Variants in CD160 observed in about 807,000 individuals in gnomAD.
The protein encoded by CD160 is CD160 molecule.
In CD160, 11 loss-of-function variants were observed where a neutral mutation model predicts 19.2. The ratio of observed to expected loss-of-function variants is 0.57; its 90% confidence interval spans 0.36 to 0.95. The LOEUF is 0.95. CD160 is among the 40% of genes least tolerant of loss of function. CD160 has a pLI of 0.01. For synonymous variants in CD160, 75 were observed against 81.1 expected (o/e 0.93, Z 0.40); for missense variants, 182 against 213.2 (o/e 0.85, Z 0.91).
intron 4 of CD160, among the ~76,000 whole-genome samples, chr1:145,731,873 A>C (rs1483397399): frequency 1.3e-5 from 2 of 152,168 alleles, no homozygotes; most frequent in African/African-American, 2.4e-5. Flanking sequence ...AAAGGAGGAA[A>C]AAATAAAAAA....
intron 3 of CD160, among the ~76,000 whole-genome samples, chr1:145,730,525 C>T (rs1553708982): frequency 1.3e-5 from 2 of 152,156 alleles, no homozygotes; most frequent in Non-Finnish European, 2.9e-5. Context: ...CCTTAATTTT[C>T]ATTTTCCAGA....
chr1:145,727,184 A>T (rs980170438), intron 2 of CD160, among the ~76,000 whole-genome samples: 9 of 152,158 alleles, frequency 5.9e-5, no homozygotes, highest in Non-Finnish European at 1.0e-4. Context: ...AGGATTTTTT[A>T]AAATAAAAAT....
At chr1:145,726,591 G>T (rs1455350612) in intron 2 of CD160, among the ~76,000 whole-genome samples, 1 of 152,162 alleles carries the variant, frequency 6.6e-6, no homozygotes, top group Non-Finnish European at 1.5e-5. Context: ...ACGGGTGGGG[G>T]CCCGGGGGAG....
At chr1:145,721,324 G>A (rs1224516595) in intron 1 of CD160, among the ~76,000 whole-genome samples, 1 of 152,172 alleles carries the variant, frequency 6.6e-6, no homozygotes, top group Non-Finnish European at 1.5e-5. Context: ...CTGAAAGGCA[G>A]CGCCCTCTAG....
chr1:145,727,667 A>G (rs1164121461), intron 2 of CD160, among the ~76,000 whole-genome samples: 3 of 152,246 alleles, frequency 2.0e-5, no homozygotes, highest in African/African-American at 7.2e-5. Flanking sequence ...AAAATGGCAG[A>G]TGGGTTAATA....
At chr1:145,735,281 T>C (rs1168075561) in intron 4 of CD160, among the ~76,000 whole-genome samples, 1 of 152,038 alleles carries the variant, frequency 6.6e-6, no homozygotes, top group Admixed American at 6.6e-5. Context: ...CAACAGTAAA[T>C]GATGGATAAA....
chr1:145,726,592 C>A (rs1657059543), intron 2 of CD160, among the ~76,000 whole-genome samples: 1 of 152,028 alleles, frequency 6.6e-6, no homozygotes, highest in Non-Finnish European at 1.5e-5. Flanking sequence ...CGGGTGGGGG[C>A]CCGGGGGAGG....
At position 145,736,154 on chromosome 1, in the gene CD160, A is replaced by G. The variant is rs1553710117; in HGVS notation, c.538+20A>G. On this transcript the variant is annotated intron_variant, in intron 5 of 5. Coordinates refer to ENST00000369288, the MANE Select transcript of CD160 (RefSeq NM_007053.4). ...TTCAAGGTATGTCCAAAAGAGCCGT[A>G]AGCACCCCAAGCAATGAGGGTGCTA... 1.2e-6 allele frequency: 2 copies of G among 1,613,908 alleles called. No individual in the cohort carries two copies. The highest frequency in any genetic ancestry group is 1.7e-6 in the Non-Finnish European group (2 of 1,180,000).
intron 4 of CD160, among the ~76,000 whole-genome samples, chr1:145,732,440 A>G (rs1553709530): frequency 2.0e-5 from 3 of 152,114 alleles, no homozygotes. Context: ...TTTGGAGGCC[A>G]AGGTGGGAGG....
chr1:145,724,587 G>T (rs1444610000), intron 1 of CD160, among the ~76,000 whole-genome samples: 1 of 151,926 alleles, frequency 6.6e-6, no homozygotes, highest in Non-Finnish European at 1.5e-5. Flanking sequence ...GATTTTAGTG[G>T]GAATTAATGT....
chr1:145,735,989 T>C lies in CD160; in HGVS notation c.401-8T>C. 1 of 1,599,874 alleles carries C rather than the reference T, an allele frequency of 6.3e-7. No homozygotes were observed. The highest frequency in any genetic ancestry group is 1.3e-5 in the African/African-American group (1 of 74,546). Reference sequence around the variant, plus strand: ...CCTCCCCTGATCCATGATTCTCTTTTGAACCAGAGACAGGGAACTACACAG... The same window carrying C: ...CCTCCCCTGATCCATGATTCTCTTTCGAACCAGAGACAGGGAACTACACAG... On this transcript the variant is annotated splice_polypyrimidine_tract_variant and splice_region_variant and intron_variant, in intron 4 of 5. Transcript: ENST00000369288.
chr1:145,734,646 C>G (rs1553709863), intron 4 of CD160, among the ~76,000 whole-genome samples: 1 of 152,172 alleles, frequency 6.6e-6, no homozygotes, highest in Non-Finnish European at 1.5e-5. Context: ...AACCTAAATC[C>G]TGTTCTCCTA....
In CD160 at chr1:145,728,309, C is replaced by A. The variant is rs782320971; in HGVS notation, c.-19C>A. 6.2e-7 allele frequency: 1 copy of A among 1,602,306 alleles called. No homozygotes were observed. Among genetic ancestry groups the A allele is most frequent in the Non-Finnish European group, 8.5e-7 (1 of 1,171,292 alleles). On this transcript the variant is annotated 5_prime_UTR_variant, in exon 3 of 6. Coordinates refer to ENST00000369288, the MANE Select transcript of CD160 (RefSeq NM_007053.4). ...CCAACATTTGCTTCAAGTTCCTGGGCCTGCTGACAGCGTGCAGGATGCTGT... is the reference window on the plus strand; with the variant it reads ...CCAACATTTGCTTCAAGTTCCTGGGACTGCTGACAGCGTGCAGGATGCTGT...
Position 145,728,122 on chromosome 1 carries a change from G to T in CD160, c.-72-134G>T. The T allele has an allele frequency of 1.1e-5, 6 of 525,110 alleles. No individual in the cohort carries two copies. In the South Asian group the frequency reaches 1.5e-4, roughly 14 times the overall value. The allele number at this position is 525,110 out of a possible 1,614,324, so 32.5% of individuals were successfully genotyped here. A position where few individuals can be genotyped will look rare whatever the true frequency, so the allele number is the denominator to read the frequency against. On this transcript the variant is annotated intron_variant, in intron 2 of 5. Transcript: ENST00000369288. ...ACTTGGTTTACCGCCTCACTTCCCA[G>T]CCAGCTGGACTCTCATGCCCAAGCC...
chr1:145,729,406 C>G (rs1272579851), intron 3 of CD160, among the ~76,000 whole-genome samples: 2 of 152,122 alleles, frequency 1.3e-5, no homozygotes, highest in African/African-American at 4.8e-5. Context: ...CAGCATCTGC[C>G]GGATGAGTTT....
At chr1:145,734,023 T>C (rs1553709774) in intron 4 of CD160, among the ~76,000 whole-genome samples, 1 of 152,184 alleles carries the variant, frequency 6.6e-6, no homozygotes, top group Non-Finnish European at 1.5e-5. Flanking sequence ...CCTATTTCTG[T>C]TCATGACGGA....
At chr1:145,721,003 A>G (rs1656817701) in intron 1 of CD160, among the ~76,000 whole-genome samples, 1 of 151,822 alleles carries the variant, frequency 6.6e-6, no homozygotes, top group Admixed American at 6.6e-5. Context: ...GAGGATGCCA[A>G]CTCCACGGGC....
rs1657599939 is a variant in CD160 at position 145,738,777 on chromosome 1, GATAA to G, written c.*288_*291del. 1 of 293,432 alleles carries G rather than the reference GATAA, an allele frequency of 3.4e-6. No homozygotes were observed. The highest frequency in any genetic ancestry group is 9.5e-4 in the Middle Eastern group (1 of 1,050). 18.2% of individuals were successfully genotyped at this position (293,432 alleles called of 1,614,324 possible). A position where few individuals can be genotyped will look rare whatever the true frequency, so the allele number is the denominator to read the frequency against. On this transcript the variant is annotated 3_prime_UTR_variant, in exon 6 of 6. Transcript: ENST00000369288. ...TGGGTAGTATAGTCCTCAAATATCG[GATAA>G]ATATATGCGTTTTTGTACCCCAGAA...
At chr1:145,731,497 C>A (rs1970612) in intron 4 of CD160, among the ~76,000 whole-genome samples, 41,738 of 151,882 alleles carry the variant, frequency 0.27, 6,668 homozygotes, top group Non-Finnish European at 0.35. Flanking sequence ...ATGGAGAAAC[C>A]CTGTCTCTAC....
Sources: gnomAD v4.1 joint callset for allele counts (sites outside exome capture counted in the v4.1 genomes callset) on GRCh38, gnomAD v4.1.1 for gene constraint, MANE v1.5 for transcripts, NCBI Gene and HGNC (gene_info 2026-07-23, HGNC 2026-07-21) for gene names.